The following IPO11 variants were observed in gnomAD, a reference collection of about 807,000 sequenced individuals.
IPO11 encodes importin 11, also known as importin-11.
Under a neutral mutation model 143.2 loss-of-function variants are expected in IPO11, and 66 were observed. The observed-to-expected ratio is 0.46, with a 90% confidence interval of 0.38 to 0.57. IPO11 has a LOEUF of 0.57. IPO11 is among the 20% of genes least tolerant of loss of function. The probability of loss-of-function intolerance (pLI) is 0.00; values close to 1 mark genes in which losing one functional copy is unlikely to be tolerated. For synonymous variants in IPO11, 385 were observed against 377.8 expected, an observed-to-expected ratio of 1.02 and a Z score of -0.22; for missense variants, 1,026 against 1,141.0, an observed-to-expected ratio of 0.90 and a Z score of 1.45.
chr5:62,462,432 A>G (rs1274291910), intron 5 of IPO11, among the ~76,000 whole-genome samples: 1 of 152,024 alleles, frequency 6.6e-6, no homozygotes, highest in African/African-American at 2.4e-5. Context: ...CATTGTGTGT[A>G]TGCAAGTGGT....
chr5:62,570,638 C>T (rs1423933180), intron 27 of IPO11, among the ~76,000 whole-genome samples: 4 of 152,210 alleles, frequency 2.6e-5, no homozygotes, highest in Non-Finnish European at 4.4e-5. Flanking sequence ...CTTCCATCTC[C>T]TGTCCTGACT....
At chr5:62,424,381 C>T (rs534500903) in intron 1 of IPO11, among the ~76,000 whole-genome samples, 9 of 151,860 alleles carry the variant, frequency 5.9e-5, no homozygotes, top group South Asian at 2.1e-4. Flanking sequence ...CCTCGTGATC[C>T]GCCCGCCGGG....
intron 1 of IPO11, among the ~76,000 whole-genome samples, chr5:62,435,090 A>ATATG (rs1561308723): frequency 1.2e-5 from 1 of 82,298 alleles, no homozygotes. Flanking sequence ...ATGTGTATAT[A>ATATG]TGTATATATG....
intron 20 of IPO11, among the ~76,000 whole-genome samples, chr5:62,525,356 CTTTT>C (rs70981021): frequency 8.9e-4 from 128 of 144,564 alleles, no homozygotes; most frequent in African/African-American, 3.1e-3. Context: ...TCCTCCCATC[CTTTT>C]TTTTTTTTTG....
At chr5:62,560,004 G>GCTA (rs1389231904) in intron 26 of IPO11, among the ~76,000 whole-genome samples, 1 of 150,398 alleles carries the variant, frequency 6.6e-6, no homozygotes, top group East Asian at 2.0e-4. Context: ...TGTTCACACT[G>GCTA]CTACTTTTCC....
In IPO11 at chr5:62,474,968, T is replaced by C. The variant is rs142627300; in HGVS notation, c.757+504T>C. Among the ~76,000 whole-genome samples the C allele has an allele frequency of 6.6e-3, 1,005 of 152,290 alleles. 14 individuals carry two copies. Among genetic ancestry groups the C allele is most frequent in the African/African-American group, 0.021 (859 of 41,568 alleles). The stretch of plus-strand genomic sequence containing the variant: ...TCTCCATACTCAGAATGGTGCACAA[T>C]TGAAAACTTAAGAATTGTTTATTTC... On this transcript the variant is annotated intron_variant, in intron 8 of 29. Transcript: ENST00000325324.
At chr5:62,425,657 A>AAT (rs1476718674) in intron 1 of IPO11, among the ~76,000 whole-genome samples, 28 of 152,328 alleles carry the variant, frequency 1.8e-4, no homozygotes, top group Admixed American at 5.9e-4. Flanking sequence ...TGATAGAAAC[A>AAT]ATAGTACATT....
intron 16 of IPO11, among the ~76,000 whole-genome samples, chr5:62,494,693 C>T (rs1038713612): frequency 3.3e-5 from 5 of 151,962 alleles, no homozygotes; most frequent in Admixed American, 6.6e-5. Context: ...ATTTTACAGG[C>T]GTATGATTTT....
intron 1 of IPO11, among the ~76,000 whole-genome samples, chr5:62,429,556 C>T (rs560528514): frequency 6.8e-4 from 101 of 147,972 alleles, no homozygotes; most frequent in Non-Finnish European, 1.0e-3. Context: ...TAACGAATTA[C>T]AGGCGCACAC....
At chr5:62,568,981 G>A (rs139893843) in intron 27 of IPO11, among the ~76,000 whole-genome samples, 1 of 152,304 alleles carries the variant, frequency 6.6e-6, no homozygotes, top group African/African-American at 2.4e-5. Context: ...GTGCCCTAAG[G>A]CCAGGTGTGC....
chr5:62,486,107 A>G (rs1176851582), intron 12 of IPO11, among the ~76,000 whole-genome samples: 1 of 150,584 alleles, frequency 6.6e-6, no homozygotes, highest in African/African-American at 2.4e-5. Context: ...CAGCCTCCCG[A>G]GTAGCTGGGA....
rs188409210 is a variant in IPO11, at chr5:62,429,989, C to T, written c.-6-7285C>T. ...GGCCAAGCTGGTCTCGAACTCTGGA[C>T]CTCGGGATCTGCCCACCTTGGCCTC... On this transcript the variant is annotated intron_variant, in intron 1 of 29. Transcript: ENST00000325324. Among the ~76,000 whole-genome samples the T allele has an allele frequency of 4.3e-3, 660 of 152,178 alleles. 3 individuals carry two copies. The highest frequency in any genetic ancestry group is 7.5e-3 in the Non-Finnish European group (511 of 68,018).
At chr5:62,549,279 C>T (rs1743316604) in intron 24 of IPO11, among the ~76,000 whole-genome samples, 1 of 152,066 alleles carries the variant, frequency 6.6e-6, no homozygotes, top group Admixed American at 6.6e-5. Flanking sequence ...TGGACCTTAC[C>T]TTCACTTCTT....
chr5:62,606,025 C>T (rs1745701269), intron 29 of IPO11, among the ~76,000 whole-genome samples: 1 of 152,012 alleles, frequency 6.6e-6, no homozygotes, highest in South Asian at 2.1e-4. Flanking sequence ...GCCACTCCAC[C>T]CTCCCTATTT....
At chr5:62,612,761 TTTTAAA>T (rs1471106338) in intron 29 of IPO11, among the ~76,000 whole-genome samples, 15 of 152,264 alleles carry the variant, frequency 9.9e-5, no homozygotes, top group African/African-American at 3.6e-4. Context: ...CACCAATAAC[TTTTAAA>T]TGTAAAAATA....
At chr5:62,454,980 G>T (rs1745075279) in intron 5 of IPO11, among the ~76,000 whole-genome samples, 3 of 152,104 alleles carry the variant, frequency 2.0e-5, no homozygotes, top group African/African-American at 7.2e-5. Context: ...TTTTATTTTG[G>T]AATGGAGCAG....
chr5:62,444,908 A>G (rs908701633), intron 3 of IPO11, among the ~76,000 whole-genome samples: 1 of 151,146 alleles, frequency 6.6e-6, no homozygotes, highest in African/African-American at 2.4e-5. Flanking sequence ...GTATATATAT[A>G]TAAACATACA....
intron 7 of IPO11, among the ~76,000 whole-genome samples, chr5:62,473,647 C>T (rs1745860443): frequency 6.6e-6 from 1 of 152,088 alleles, no homozygotes. Context: ...AATGAGACTA[C>T]CTCATTTGCT....
At chr5:62,490,895 A>G (rs1746585863) in intron 15 of IPO11, among the ~76,000 whole-genome samples, 1 of 152,196 alleles carries the variant, frequency 6.6e-6, no homozygotes, top group Admixed American at 6.5e-5. Context: ...AGCAGGGATT[A>G]CAGGCGCATG....
Sources: allele counts gnomAD v4.1 joint callset (sites outside exome capture counted in the v4.1 genomes callset), GRCh38; gene constraint gnomAD v4.1.1; transcripts MANE v1.5; gene names NCBI Gene and HGNC (gene_info 2026-07-23, HGNC 2026-07-21).